ZMAT5: variants seen among roughly 807,000 people sequenced by gnomAD.
The protein encoded by ZMAT5 is zinc finger matrin-type protein 5.
ZMAT5 carries 23 observed loss-of-function variants against 28.0 expected under a neutral mutation model. That is an observed-to-expected ratio of 0.82 (90% CI 0.59 to 1.16). The LOEUF (loss-of-function observed/expected upper bound fraction) is 1.16. ZMAT5 is among the 50% of genes most tolerant of loss of function. ZMAT5 has a pLI of 0.00. For missense variants in ZMAT5, 173 were observed against 212.7 expected, an observed-to-expected ratio of 0.81 and a Z score of 1.16; for synonymous variants, 76 against 84.1, an observed-to-expected ratio of 0.90 and a Z score of 0.52.
intron 3 of ZMAT5, among the ~76,000 whole-genome samples, chr22:29,741,654 T>C (rs1274292272): frequency 6.6e-6 from 1 of 152,212 alleles, no homozygotes; most frequent in Non-Finnish European, 1.5e-5. Context: ...TCTTGCTCTG[T>C]CTTTTTTTAA....
At chr22:29,752,430 C>T (rs1347798685) in intron 1 of ZMAT5, among the ~76,000 whole-genome samples, 1 of 152,202 alleles carries the variant, frequency 6.6e-6, no homozygotes, top group African/African-American at 2.4e-5. Context: ...ACTTCATCAC[C>T]TTGTCAGCCT....
chr22:29,758,308 T>G (rs899983796), intron 1 of ZMAT5, among the ~76,000 whole-genome samples: 1 of 152,156 alleles, frequency 6.6e-6, no homozygotes, highest in Non-Finnish European at 1.5e-5. Flanking sequence ...AGAAACAGTA[T>G]GAGAAAATAA....
chr22:29,749,416 C>T (rs934512934), intron 1 of ZMAT5, among the ~76,000 whole-genome samples: 4 of 152,088 alleles, frequency 2.6e-5, no homozygotes, highest in African/African-American at 4.8e-5. Flanking sequence ...ATAGGCCACA[C>T]CGGCCTCCCC....
At chr22:29,744,214 A>G (rs560080795) in intron 2 of ZMAT5, among the ~76,000 whole-genome samples, 7 of 152,176 alleles carry the variant, frequency 4.6e-5, no homozygotes, top group Non-Finnish European at 1.0e-4. Flanking sequence ...TTCTCCAGGT[A>G]TACGGCCAAG....
intron 1 of ZMAT5, among the ~76,000 whole-genome samples, chr22:29,753,970 A>C (rs2068077119): frequency 6.6e-6 from 1 of 152,094 alleles, no homozygotes; most frequent in Non-Finnish European, 1.5e-5. Context: ...GGACACATGC[A>C]GCGCCCTGCC....
chr22:29,735,280 C>T (rs2067893929), intron 5 of ZMAT5, among the ~76,000 whole-genome samples: 1 of 152,178 alleles, frequency 6.6e-6, no homozygotes, highest in African/African-American at 2.4e-5. Flanking sequence ...CCCTTTTTCT[C>T]AAGGCTGGAC....
intron 1 of ZMAT5, among the ~76,000 whole-genome samples, chr22:29,755,326 GGAGAGAGA>G (rs773315268): frequency 1.1e-5 from 1 of 92,060 alleles, no homozygotes; most frequent in Non-Finnish European, 2.1e-5. Context: ...AAAAAAGAAA[GGAGAGAGA>G]GAGAGAGGGA....
intron 1 of ZMAT5, among the ~76,000 whole-genome samples, chr22:29,752,891 C>A (rs2068067303): frequency 6.6e-6 from 1 of 152,116 alleles, no homozygotes; most frequent in Non-Finnish European, 1.5e-5. Context: ...AGTGTCAGGC[C>A]AGGGAGACCA....
At chr22:29,750,731 G>A (rs528279643) in intron 1 of ZMAT5, among the ~76,000 whole-genome samples, 286 of 152,290 alleles carry the variant, frequency 1.9e-3, no homozygotes, top group Non-Finnish European at 3.1e-3. Flanking sequence ...GTAGCTATCC[G>A]GGCTAGCAGC....
intron 1 of ZMAT5, among the ~76,000 whole-genome samples, chr22:29,757,725 A>G (rs559825487): frequency 2.6e-4 from 40 of 152,198 alleles, no homozygotes; most frequent in Non-Finnish European, 4.1e-4. Context: ...CAGGTTATAA[A>G]AGACACTGCA....
chr22:29,742,497 G>A lies in ZMAT5; in HGVS notation c.128-17C>T, dbSNP rs375412489. 1.9e-6 allele frequency: 3 copies of A among 1,611,508 alleles called. No individual in the cohort carries two copies. The highest frequency in any genetic ancestry group is 8.5e-7 in the Non-Finnish European group (1 of 1,179,768). On this transcript the variant is annotated splice_polypyrimidine_tract_variant and intron_variant, in intron 2 of 5. Transcript: ENST00000344318. ...CAGCTGCATCTGCGAGAGAAGAGAG[G>A]GACGGGATTCGGATGGTTCAGGCTC...
chr22:29,752,359 T>G (rs1334992955), intron 1 of ZMAT5, among the ~76,000 whole-genome samples: 1 of 152,162 alleles, frequency 6.6e-6, no homozygotes, highest in Non-Finnish European at 1.5e-5. Flanking sequence ...TGTTCATGTT[T>G]TCCCCCCTCT....
intron 3 of ZMAT5, 53 bp from the exon 4 acceptor site, chr22:29,740,783 G>T: frequency 6.7e-7 from 1 of 1,501,970 alleles, no homozygotes; most frequent in Non-Finnish European, 9.1e-7. Context: ...CCCCACAGGG[G>T]CTGAGGGGTG....
chr22:29,738,985 T>C (rs1206154212), intron 4 of ZMAT5, among the ~76,000 whole-genome samples: 3 of 149,306 alleles, frequency 2.0e-5, no homozygotes, highest in African/African-American at 7.4e-5. Flanking sequence ...CACTCCAACC[T>C]GGGCGGCAAG....
chr22:29,748,134 C>T, intron 2 of ZMAT5: 1 of 435,406 alleles, frequency 2.3e-6, no homozygotes, highest in Non-Finnish European at 4.3e-6. Flanking sequence ...TCACACCCTC[C>T]ACCCAGAACT....
At chr22:29,737,338 A>G (rs2067915714) in intron 5 of ZMAT5, among the ~76,000 whole-genome samples, 1 of 152,212 alleles carries the variant, frequency 6.6e-6, no homozygotes, top group Non-Finnish European at 1.5e-5. Context: ...AAAAAAAGAA[A>G]GAAAGAAAGA....
chr22:29,756,868 A>G (rs1349362258), intron 1 of ZMAT5, among the ~76,000 whole-genome samples: 6 of 152,040 alleles, frequency 3.9e-5, no homozygotes, highest in Non-Finnish European at 7.4e-5. Context: ...GTGAAACCCC[A>G]TCTCTACTAA....
intron 1 of ZMAT5, among the ~76,000 whole-genome samples, chr22:29,759,011 C>T (rs1252237968): frequency 6.6e-6 from 1 of 152,168 alleles, no homozygotes; most frequent in Non-Finnish European, 1.5e-5. Context: ...AGCAGACATT[C>T]CCCTCACCCC....
chr22:29,733,418 C>A (rs1008514040), intron 5 of ZMAT5, among the ~76,000 whole-genome samples: 5 of 152,226 alleles, frequency 3.3e-5, no homozygotes, highest in African/African-American at 1.2e-4. Context: ...CCTCTCTGGA[C>A]CAGACCTGCC....
Sources: gnomAD v4.1 joint callset for allele counts (sites outside exome capture counted in the v4.1 genomes callset) on GRCh38, gnomAD v4.1.1 for gene constraint, MANE v1.5 for transcripts, NCBI Gene and HGNC (gene_info 2026-07-23, HGNC 2026-07-21) for gene names.